Variants in SLC35F2 observed in about 807,000 individuals in gnomAD.
SLC35F2 encodes solute carrier family 35 member F2, also known as queuine/queuosine transporter SLC35F2.
A neutral mutation model predicts 38.1 loss-of-function variants in SLC35F2; 25 were observed. The observed-to-expected ratio is 0.66, with a 90% CI of 0.48 to 0.92. The LOEUF is 0.92. SLC35F2 is among the 40% of genes least tolerant of loss of function. The pLI, the probability that SLC35F2 is intolerant of heterozygous loss-of-function variation, is 0.00. For synonymous variants in SLC35F2, 173 were observed against 181.7 expected, an observed-to-expected ratio of 0.95 and a Z score of 0.38; for missense variants, 409 against 452.9, an observed-to-expected ratio of 0.90 and a Z score of 0.88.
chr11:107,809,801 A>G, intron 3 of SLC35F2: 1 of 985,288 alleles, frequency 1.0e-6, no homozygotes, highest in South Asian at 4.7e-5. Flanking sequence ...ACAATAGAGT[A>G]TAGAAGAGAA....
intron 1 of SLC35F2, among the ~76,000 whole-genome samples, chr11:107,833,580 G>A (rs1185713783): frequency 1.3e-5 from 2 of 148,604 alleles, no homozygotes; most frequent in East Asian, 2.0e-4. Flanking sequence ...CTGTTCAAAA[G>A]TATCAGAATC....
intron 1 of SLC35F2, among the ~76,000 whole-genome samples, chr11:107,838,918 C>T (rs1859976752): frequency 6.6e-6 from 1 of 152,074 alleles, no homozygotes; most frequent in Non-Finnish European, 1.5e-5. Context: ...CATGAGCCAC[C>T]ACACCTGGCC....
Position 107,805,527 on chromosome 11 carries a change from C to T in SLC35F2, c.575-12G>A, listed in dbSNP as rs781322336. 1.2e-6 allele frequency: 2 copies of T among 1,600,742 alleles called. No homozygotes were observed. The highest frequency in any genetic ancestry group is 1.7e-6 in the Non-Finnish European group (2 of 1,175,394). ...CAATACATCACTCCCTGCAGGAAGA[C>T]AAGCCACAGAAAGCAAAACACTGTC... On this transcript the variant is annotated splice_polypyrimidine_tract_variant and intron_variant, in intron 4 of 7. Coordinates refer to ENST00000525815, the MANE Select transcript of SLC35F2 (RefSeq NM_017515.5).
chr11:107,804,676 TGTTA>T (rs1453711770), intron 6 of SLC35F2, 38 bp downstream of exon 6: 1 of 1,384,816 alleles, frequency 7.2e-7, no homozygotes, highest in Non-Finnish European at 1.0e-6. Flanking sequence ...TTCATTTGTT[TGTTA>T]AAGAATGCTG....
At chr11:107,857,303 G>A (rs774968434) in intron 1 of SLC35F2, among the ~76,000 whole-genome samples, 10 of 145,422 alleles carry the variant, frequency 6.9e-5, no homozygotes, top group African/African-American at 1.3e-4. Flanking sequence ...GAGAGGGAAC[G>A]AAGGAAGGAG....
chr11:107,853,637 G>T (rs1210418989), intron 1 of SLC35F2, among the ~76,000 whole-genome samples: 6 of 148,888 alleles, frequency 4.0e-5, no homozygotes. Context: ...GGAGAATGGC[G>T]TGAACCCGGG....
intron 1 of SLC35F2, among the ~76,000 whole-genome samples, chr11:107,827,665 C>G (rs567484793): frequency 6.6e-6 from 1 of 152,042 alleles, no homozygotes; most frequent in East Asian, 1.9e-4. Context: ...AAGAGAATCA[C>G]TAGAACCCAG....
At chr11:107,858,376 C>T (rs770097165) in intron 1 of SLC35F2, 25 of 266,660 alleles carry the variant, frequency 9.4e-5, no homozygotes, top group Non-Finnish European at 1.6e-4. Context: ...CCCAGAGGAC[C>T]GACCTAATAG....
At chr11:107,831,421 C>T (rs1471095244) in intron 1 of SLC35F2, among the ~76,000 whole-genome samples, 2 of 152,200 alleles carry the variant, frequency 1.3e-5, no homozygotes, top group Non-Finnish European at 2.9e-5. Flanking sequence ...AGGCCTCACT[C>T]ACTATGTTGC....
intron 1 of SLC35F2, among the ~76,000 whole-genome samples, chr11:107,846,766 T>C (rs1860109483): frequency 6.6e-6 from 1 of 151,978 alleles, no homozygotes; most frequent in Admixed American, 6.6e-5. Flanking sequence ...ACCCTCTCTC[T>C]ACAAAAATAC....
chr11:107,838,530 G>A (rs1039850807), intron 1 of SLC35F2, among the ~76,000 whole-genome samples: 9 of 151,758 alleles, frequency 5.9e-5, no homozygotes, highest in Non-Finnish European at 1.0e-4. Flanking sequence ...TCACCATGTT[G>A]GCCAGGCTGG....
At chr11:107,825,266 A>G (rs1263027757) in intron 1 of SLC35F2, among the ~76,000 whole-genome samples, 1 of 152,112 alleles carries the variant, frequency 6.6e-6, no homozygotes, top group Non-Finnish European at 1.5e-5. Flanking sequence ...GTGCTTCTCA[A>G]ACTTTCATGT....
At chr11:107,806,497 C>T in intron 4 of SLC35F2, 1 of 502,466 alleles carries the variant, frequency 2.0e-6, no homozygotes. Flanking sequence ...TCTCTCAATC[C>T]AAGGAGACGT....
chr11:107,814,688 C>CACA (rs1859538632), intron 2 of SLC35F2, among the ~76,000 whole-genome samples: 1 of 152,010 alleles, frequency 6.6e-6, no homozygotes, highest in Non-Finnish European at 1.5e-5. Flanking sequence ...TCTGGCTGGG[C>CACA]CCAGTGGCTC....
At chr11:107,803,992 AT>A (rs71047624) in intron 6 of SLC35F2, among the ~76,000 whole-genome samples, 65,282 of 135,682 alleles carry the variant, frequency 0.48, 15,312 homozygotes, top group Non-Finnish European at 0.53. Context: ...TGCCCGGATA[AT>A]TTTTTTTTTT....
intron 1 of SLC35F2, among the ~76,000 whole-genome samples, chr11:107,835,065 C>A (rs1412520816): frequency 6.6e-6 from 1 of 152,146 alleles, no homozygotes; most frequent in African/African-American, 2.4e-5. Flanking sequence ...GAGAGTTACG[C>A]AGAAAATCAA....
intron 1 of SLC35F2, among the ~76,000 whole-genome samples, chr11:107,845,940 G>A (rs1860098497): frequency 6.9e-6 from 1 of 144,646 alleles, no homozygotes. Context: ...GCGACAGACT[G>A]AGATTCTGTC....
intron 3 of SLC35F2, chr11:107,810,345 T>C (rs967676665): frequency 1.0e-6 from 1 of 984,986 alleles, no homozygotes; most frequent in African/African-American, 1.7e-5. Flanking sequence ...CAACTGTAAG[T>C]GTTCTGTTTA....
At chr11:107,816,839 G>C (rs1009197191) in intron 1 of SLC35F2, among the ~76,000 whole-genome samples, 1 of 152,154 alleles carries the variant, frequency 6.6e-6, no homozygotes, top group Non-Finnish European at 1.5e-5. Flanking sequence ...TGGAAGAAAG[G>C]ATTGGATTGG....
Sources: gnomAD v4.1 joint callset for allele counts (sites outside exome capture counted in the v4.1 genomes callset) on GRCh38, gnomAD v4.1.1 for gene constraint, MANE v1.5 for transcripts, NCBI Gene and HGNC (gene_info 2026-07-23, HGNC 2026-07-21) for gene names.